The following GUCY1A2 variants were observed in gnomAD, a reference collection of about 807,000 sequenced individuals.
GUCY1A2 encodes guanylate cyclase soluble subunit alpha-2.
Under a neutral mutation model 63.5 loss-of-function variants are expected in GUCY1A2, and 27 were observed. That is an observed-to-expected ratio of 0.43 (90% CI 0.31 to 0.59). The LOEUF is 0.59. Among genes scored for constraint, GUCY1A2 ranks in the 20% least tolerant of loss-of-function variants. The probability of loss-of-function intolerance (pLI) is 0.11; values close to 1 mark genes in which losing one functional copy is unlikely to be tolerated. For synonymous variants in GUCY1A2, 364 were observed against 343.5 expected (o/e 1.06, Z -0.66); for missense variants, 768 against 913.3 (o/e 0.84, Z 2.05).
rs146045541 is a variant in GUCY1A2 at position 106,869,540 on chromosome 11, A to T, written c.1207-59062T>A. On this transcript the variant is annotated intron_variant, in intron 4 of 7. Transcript: ENST00000526355. ...CATCACTGGCCATCAGAGAAATGCA[A>T]ATCATAACCACAGTGAGATAACATC... Among the ~76,000 whole-genome samples, 1,341 of 152,336 alleles carry T rather than the reference A, an allele frequency of 8.8e-3. 17 individuals carry two copies. The highest frequency in any genetic ancestry group is 0.031 in the African/African-American group (1,279 of 41,580).
intron 6 of GUCY1A2, among the ~76,000 whole-genome samples, chr11:106,760,637 T>C (rs548702478): frequency 1.1e-4 from 17 of 152,298 alleles, no homozygotes; most frequent in Non-Finnish European, 2.4e-4. Context: ...CCTGAAGATG[T>C]ACCACTATTT....
In GUCY1A2 at chr11:106,956,438, T is replaced by C. The variant is rs1225255898; in HGVS notation, c.488-16260A>G. On this transcript the variant is annotated intron_variant, in intron 3 of 7. Transcript: ENST00000526355. ...TACTTTCAGTCTTTGAGCCTGCTGA[T>C]CCTTGGATAGGGTTTTTTGTGGAGG... Among the ~76,000 whole-genome samples the C allele has an allele frequency of 2.0e-5, 3 of 152,172 alleles. No individual in the cohort carries two copies. The East Asian group carries it at 5.8e-4, about 29-fold the overall frequency.
intron 5 of GUCY1A2, among the ~76,000 whole-genome samples, chr11:106,781,860 GC>G (rs1864470711): frequency 6.6e-6 from 1 of 151,852 alleles, no homozygotes; most frequent in African/African-American, 2.4e-5. Context: ...AAGCCACCAC[GC>G]CCATCCCATT....
At chr11:106,740,778 A>C (rs1402537784) in intron 6 of GUCY1A2, among the ~76,000 whole-genome samples, 1 of 151,896 alleles carries the variant, frequency 6.6e-6, no homozygotes, top group Non-Finnish European at 1.5e-5. Context: ...GGTTCAAGTG[A>C]TTCTCCTACC....
chr11:106,797,719 T>C (rs1864792540), intron 5 of GUCY1A2, among the ~76,000 whole-genome samples: 2 of 152,182 alleles, frequency 1.3e-5, no homozygotes, highest in Admixed American at 1.3e-4. Context: ...TTGAAACCAG[T>C]GAGAACAAAG....
intron 4 of GUCY1A2, among the ~76,000 whole-genome samples, chr11:106,931,298 A>G (rs1223350946): frequency 6.6e-6 from 1 of 152,230 alleles, no homozygotes; most frequent in African/African-American, 2.4e-5. Flanking sequence ...AGTATAACTT[A>G]AAACCTAAGA....
intron 6 of GUCY1A2, among the ~76,000 whole-genome samples, chr11:106,738,119 T>G (rs889630340): frequency 6.6e-6 from 1 of 152,232 alleles, no homozygotes; most frequent in Non-Finnish European, 1.5e-5. Context: ...CTCATTGTGG[T>G]TTTGATTTGC....
intron 1 of GUCY1A2, among the ~76,000 whole-genome samples, chr11:107,002,667 G>C (rs571524203): frequency 2.0e-5 from 3 of 152,144 alleles, no homozygotes; most frequent in African/African-American, 7.2e-5. Context: ...TCCATGACTT[G>C]AGTAAAATTA....
Position 106,708,574 on chromosome 11 carries a change from C to T in GUCY1A2, c.1929G>A (p.Leu643=). ...GACTTCCCGACTCGAATTTGCTTGC[C>T]AGTGTGACATTATTTCCAAACAGGC... is the stretch of plus-strand genomic sequence containing the variant. ...RYCLFGNNVT[L]ASKFESGSHP... Residue 643 remains leucine, a synonymous_variant, in exon 7 of 8, where the codon CTG becomes CTA. Transcript: ENST00000526355. The T allele has an allele frequency of 6.2e-7, 1 of 1,613,036 alleles. No individual in the cohort carries two copies. The highest frequency in any genetic ancestry group is 1.7e-4 in the Middle Eastern group (1 of 6,050).
intron 4 of GUCY1A2, among the ~76,000 whole-genome samples, chr11:106,876,527 C>G (rs1263446841): frequency 6.6e-6 from 1 of 152,088 alleles, no homozygotes; most frequent in East Asian, 1.9e-4. Context: ...TCCCTGCCAT[C>G]AAACTTTCTC....
intron 4 of GUCY1A2, among the ~76,000 whole-genome samples, chr11:106,917,094 G>C (rs1395575752): frequency 6.9e-6 from 1 of 145,528 alleles, no homozygotes; most frequent in Non-Finnish European, 1.5e-5. Context: ...AATCATTACA[G>C]ATAGTAGTGT....
intron 1 of GUCY1A2, among the ~76,000 whole-genome samples, chr11:107,009,528 T>C (rs1312231532): frequency 6.6e-6 from 1 of 152,192 alleles, no homozygotes; most frequent in Non-Finnish European, 1.5e-5. Context: ...GGTCACAAGA[T>C]ACTTATAGTA....
intron 3 of GUCY1A2, among the ~76,000 whole-genome samples, chr11:106,948,930 A>G (rs966442512): frequency 1.3e-5 from 2 of 152,208 alleles, no homozygotes; most frequent in Admixed American, 6.5e-5. Context: ...AGCAATAAAT[A>G]TTTTAGAAGA....
intron 3 of GUCY1A2, among the ~76,000 whole-genome samples, chr11:106,960,006 C>G (rs1460457298): frequency 6.6e-6 from 1 of 151,356 alleles, no homozygotes; most frequent in African/African-American, 2.4e-5. Flanking sequence ...TCCTGGGGAA[C>G]TAGAGCTACA....
intron 3 of GUCY1A2, among the ~76,000 whole-genome samples, chr11:106,966,139 A>G (rs777768059): frequency 9.9e-5 from 15 of 151,850 alleles, no homozygotes; most frequent in Middle Eastern, 3.4e-3. Flanking sequence ...ACAGAGTCTC[A>G]CTCTGTTGCC....
intron 5 of GUCY1A2, among the ~76,000 whole-genome samples, chr11:106,799,339 T>C (rs1864826418): frequency 6.6e-6 from 1 of 152,152 alleles, no homozygotes; most frequent in African/African-American, 2.4e-5. Flanking sequence ...ATTTCTAGAT[T>C]CAATGCCATC....
Position 106,776,431 on chromosome 11 carries a change from AG to A in GUCY1A2, c.1836+7del. 1 of 1,589,678 alleles carries A rather than the reference AG, an allele frequency of 6.3e-7. No homozygotes were observed. Among genetic ancestry groups the A allele is most frequent in the Middle Eastern group, 1.7e-4 (1 of 5,950 alleles). ...TTACTACTCAAACTAGATTGTTGGG[AG>A]GGTTACCTGAATCGGTCTTCCATCA... On this transcript the variant is annotated splice_region_variant and intron_variant, in intron 6 of 7. Transcript: ENST00000526355.
intron 6 of GUCY1A2, among the ~76,000 whole-genome samples, chr11:106,764,182 G>A (rs1004852635): frequency 2.0e-5 from 3 of 151,956 alleles, no homozygotes; most frequent in African/African-American, 4.8e-5. Flanking sequence ...TCAACATCTC[G>A]ATGTGAGTTT....
chr11:106,957,370 G>C (rs1468478746), intron 3 of GUCY1A2, among the ~76,000 whole-genome samples: 1 of 152,048 alleles, frequency 6.6e-6, no homozygotes, highest in Non-Finnish European at 1.5e-5. Flanking sequence ...GCAGACTCCA[G>C]CTGAGAGGCT....
Sources: allele counts gnomAD v4.1 joint callset (sites outside exome capture counted in the v4.1 genomes callset), GRCh38; gene constraint gnomAD v4.1.1; transcripts MANE v1.5; gene names NCBI Gene and HGNC (gene_info 2026-07-23, HGNC 2026-07-21).